C1QTNF3: variants seen among roughly 807,000 people sequenced by gnomAD.
C1QTNF3 encodes the protein complement C1q tumor necrosis factor-related protein 3.
Under a neutral mutation model 32.6 loss-of-function variants are expected in C1QTNF3, and 26 were observed. The observed-to-expected ratio is 0.80, with a 90% CI of 0.58 to 1.11. The LOEUF (loss-of-function observed/expected upper bound fraction) is 1.11. Among genes scored for constraint, C1QTNF3 ranks in the 50% least tolerant of loss-of-function variants. The probability of loss-of-function intolerance (pLI) is 0.00; values close to 1 mark genes in which losing one functional copy is unlikely to be tolerated. For missense variants in C1QTNF3, 362 were observed against 398.2 expected (o/e 0.91, Z 0.77); for synonymous variants, 155 against 146.0 (o/e 1.06, Z -0.44).
At chr5:34,224,919 C>T in the C1QTNF3 span, among the ~76,000 whole-genome samples, 83 of 151,976 alleles carry the variant, frequency 5.5e-4, no homozygotes, top group Non-Finnish European at 9.4e-4. Flanking sequence ...AAAGGGCTAA[C>T]ATCCAGAATC....
the C1QTNF3 span, among the ~76,000 whole-genome samples, chr5:34,186,488 C>T: frequency 2.2e-5 from 3 of 139,346 alleles, no homozygotes; most frequent in East Asian, 2.2e-4. Flanking sequence ...TTCTTTCCTC[C>T]TTTTTTTTTT....
chr5:34,244,396 G>C, the C1QTNF3 span, among the ~76,000 whole-genome samples: 6 of 152,226 alleles, frequency 3.9e-5, no homozygotes, highest in Admixed American at 2.6e-4. Flanking sequence ...CTGTGGAAAG[G>C]GACCCTAGCA....
chr5:34,221,119 A>C, the C1QTNF3 span, among the ~76,000 whole-genome samples: 1 of 152,156 alleles, frequency 6.6e-6, no homozygotes, highest in South Asian at 2.1e-4. Context: ...GCTCTTGTAA[A>C]ATCGAAATTG....
At chr5:34,099,294 C>A in the C1QTNF3 span, among the ~76,000 whole-genome samples, 1 of 152,102 alleles carries the variant, frequency 6.6e-6, no homozygotes, top group African/African-American at 2.4e-5. Context: ...TTCTTTAATG[C>A]TCATCAACAT....
chr5:34,103,663 C>T, the C1QTNF3 span, among the ~76,000 whole-genome samples: 11 of 127,824 alleles, frequency 8.6e-5, no homozygotes, highest in East Asian at 2.1e-3. Flanking sequence ...ATTAAAAATA[C>T]AAAACTAAAC....
intron 5 of C1QTNF3, 68 bp from the exon 6 acceptor site, chr5:34,020,810 G>A (rs1754310265): frequency 2.0e-6 from 3 of 1,499,526 alleles, no homozygotes; most frequent in Admixed American, 3.5e-5. Flanking sequence ...ACCAAAGTCT[G>A]TGCTCCCCTT....
chr5:34,177,315 G>A, the C1QTNF3 span, among the ~76,000 whole-genome samples: 3 of 151,998 alleles, frequency 2.0e-5, no homozygotes, highest in African/African-American at 7.2e-5. Context: ...TTCCATCATT[G>A]CAAAGGTTCT....
At chr5:34,237,377 G>C in the C1QTNF3 span, among the ~76,000 whole-genome samples, 1 of 152,152 alleles carries the variant, frequency 6.6e-6, no homozygotes, top group African/African-American at 2.4e-5. Context: ...TCTGAAAGAA[G>C]TTGAGATCTG....
chr5:34,108,872 G>A, the C1QTNF3 span, among the ~76,000 whole-genome samples: 1 of 145,978 alleles, frequency 6.9e-6, no homozygotes, highest in Non-Finnish European at 1.5e-5. Flanking sequence ...GCATGTTTGT[G>A]TGCACTGCAT....
chr5:34,217,525 C>G, the C1QTNF3 span, among the ~76,000 whole-genome samples: 1 of 152,064 alleles, frequency 6.6e-6, no homozygotes, highest in East Asian at 1.9e-4. Flanking sequence ...TCCAGGACAG[C>G]AGCAGAGTGT....
the C1QTNF3 span, among the ~76,000 whole-genome samples, chr5:34,213,777 G>GTACATATACATA: frequency 3.8e-5 from 1 of 26,514 alleles, no homozygotes; most frequent in Non-Finnish European, 8.0e-5. Context: ...ACACATACGT[G>GTACATATACATA]TATATATACA....
chr5:34,119,684 TGA>T, the C1QTNF3 span, among the ~76,000 whole-genome samples: 8 of 152,168 alleles, frequency 5.3e-5, no homozygotes, highest in Non-Finnish European at 1.2e-4. Flanking sequence ...TTTCCAACTT[TGA>T]GAGGCTGCCC....
the C1QTNF3 span, among the ~76,000 whole-genome samples, chr5:34,051,190 G>A: frequency 6.6e-6 from 1 of 152,198 alleles, no homozygotes; most frequent in African/African-American, 2.4e-5. Context: ...TAGGATAGCA[G>A]AGCAGAAAGA....
At chr5:34,081,268 T>C in the C1QTNF3 span, among the ~76,000 whole-genome samples, 1 of 151,688 alleles carries the variant, frequency 6.6e-6, no homozygotes, top group Non-Finnish European at 1.5e-5. Flanking sequence ...TGACAAAACT[T>C]ACCGTATACC....
At chr5:34,210,741 T>A in the C1QTNF3 span, among the ~76,000 whole-genome samples, 1 of 151,894 alleles carries the variant, frequency 6.6e-6, no homozygotes, top group African/African-American at 2.4e-5. Context: ...ATACATAGAG[T>A]TTTTATGATT....
chr5:34,033,160 C>T, intron 3 of C1QTNF3, 144 bp downstream of exon 3: 1 of 857,286 alleles, frequency 1.2e-6, no homozygotes. Context: ...ATGCAAACAT[C>T]CTGTGATGTA....
chr5:34,023,464 T>A (rs950189112), intron 5 of C1QTNF3, among the ~76,000 whole-genome samples: 1 of 152,094 alleles, frequency 6.6e-6, no homozygotes, highest in African/African-American at 2.4e-5. Context: ...TCATCAAAAA[T>A]AACAGGGAAA....
the C1QTNF3 span, among the ~76,000 whole-genome samples, chr5:34,170,639 AT>A: frequency 6.6e-6 from 1 of 152,164 alleles, no homozygotes; most frequent in South Asian, 2.1e-4. Context: ...GCTCTTTAAT[AT>A]CACTGAAAGT....
chr5:34,043,396 C>T (rs1325572066), upstream of C1QTNF3: 1 of 465,096 alleles, frequency 2.2e-6, no homozygotes, highest in Non-Finnish European at 3.9e-6. Context: ...AAATGTCACA[C>T]CTTGGCACGT....
Sources: allele counts gnomAD v4.1 joint callset (sites outside exome capture counted in the v4.1 genomes callset), GRCh38; gene constraint gnomAD v4.1.1; transcripts MANE v1.5; gene names NCBI Gene and HGNC (gene_info 2026-07-23, HGNC 2026-07-21).